The following TTLL7 variants were observed in gnomAD, a reference collection of about 807,000 sequenced individuals.
TTLL7 encodes the protein tubulin polyglutamylase TTLL7.
TTLL7 carries 53 observed loss-of-function variants against 120.2 expected under a neutral mutation model. The observed-to-expected ratio is 0.44, with a 90% CI of 0.35 to 0.55. The LOEUF is 0.55. TTLL7 is among the 20% of genes least tolerant of loss of function. The pLI is 0.00. For synonymous variants in TTLL7, 353 were observed against 351.7 expected, an observed-to-expected ratio of 1.00 and a Z score of -0.04; for missense variants, 803 against 1,054.7, an observed-to-expected ratio of 0.76 and a Z score of 3.31.
intron 4 of TTLL7, 102 bp downstream of exon 4, chr1:83,949,763 T>C (rs1242939706): frequency 4.5e-6 from 6 of 1,336,076 alleles, no homozygotes; most frequent in Non-Finnish European, 6.3e-6. Context: ...GAGTAAGAGC[T>C]GAAATGTAAT....
At chr1:83,961,117 C>T (rs1203593990) in intron 1 of TTLL7, among the ~76,000 whole-genome samples, 1 of 152,156 alleles carries the variant, frequency 6.6e-6, no homozygotes, top group Non-Finnish European at 1.5e-5. Flanking sequence ...CACTAATGCA[C>T]TTAATACTTA....
intron 4 of TTLL7, 82 bp from the exon 5 acceptor site, chr1:83,948,777 T>C (rs968364534): frequency 5.2e-6 from 5 of 966,618 alleles, no homozygotes; most frequent in Non-Finnish European, 7.8e-6. Context: ...CTATCCATCC[T>C]TTGAGTTTTA....
intron 1 of TTLL7, among the ~76,000 whole-genome samples, chr1:83,983,357 A>G (rs986398533): frequency 5.9e-5 from 9 of 152,130 alleles, no homozygotes; most frequent in Non-Finnish European, 1.0e-4. Context: ...TAAATAAGCA[A>G]TAAGAAAAAG....
intron 17 of TTLL7, 110 bp from the exon 18 acceptor site, chr1:83,904,269 C>T: frequency 1.4e-6 from 1 of 713,008 alleles, no homozygotes; most frequent in Non-Finnish European, 2.3e-6. Flanking sequence ...TGCCAACTTT[C>T]ATAAAAACAC....
intron 14 of TTLL7, among the ~76,000 whole-genome samples, chr1:83,917,028 G>A (rs1240598821): frequency 1.3e-5 from 2 of 151,456 alleles, no homozygotes; most frequent in Non-Finnish European, 2.9e-5. Context: ...TTGAGCCCAG[G>A]AGTGTGAGGC....
rs1649609464 is a variant in TTLL7, at chr1:83,957,237, T to C, written c.-176-4850A>G. On this transcript the variant is annotated intron_variant, in intron 1 of 20. Coordinates refer to ENST00000260505, the MANE Select transcript of TTLL7 (RefSeq NM_024686.6). ...AAAAGATGAAGACAAACTTCTTTTATGTAAAAGAAGGAAACACAAAGAAAA... is the reference window on the plus strand; with the variant it reads ...AAAAGATGAAGACAAACTTCTTTTACGTAAAAGAAGGAAACACAAAGAAAA... Among the ~76,000 whole-genome samples, 8 of 152,280 alleles carry C rather than the reference T, an allele frequency of 5.3e-5. No homozygotes were observed. In the South Asian group the frequency reaches 1.7e-3, roughly 32 times the overall value.
chr1:83,994,278 A>C (rs1447558457), intron 1 of TTLL7, among the ~76,000 whole-genome samples: 1 of 152,176 alleles, frequency 6.6e-6, no homozygotes, highest in African/African-American at 2.4e-5. Context: ...GCCCTCAGGC[A>C]CATTCATCTG....
Position 83,951,838 on chromosome 1 carries a change from A to C in TTLL7, c.157+7T>G. ...AGAATCCCATGATTGCTTCTAAGGA[A>C]ACCTACCAATTTCAAACTTTGTCCC... On this transcript the variant is annotated splice_region_variant and intron_variant, in intron 3 of 20. Transcript: ENST00000260505. 1.9e-6 allele frequency: 3 copies of C among 1,604,188 alleles called. No homozygotes were observed. Among genetic ancestry groups the C allele is most frequent in the Non-Finnish European group, 2.5e-6 (3 of 1,177,292 alleles).
At position 83,908,638 on chromosome 1, in the gene TTLL7, T is replaced by C. The variant is rs114636951; in HGVS notation, c.1787-977A>G. On this transcript the variant is annotated intron_variant, in intron 15 of 20. Transcript: ENST00000260505. ...AATTTTGACTCCTGACACAGGGAAATAGATCATCACTCAATACTATCAATA... is the reference window on the plus strand; with the variant it reads ...AATTTTGACTCCTGACACAGGGAAACAGATCATCACTCAATACTATCAATA... Among the ~76,000 whole-genome samples the C allele has an allele frequency of 7.3e-3, 1,112 of 152,070 alleles. 20 individuals carry two copies. The highest frequency in any genetic ancestry group is 0.026 in the African/African-American group (1,059 of 41,526).
Position 83,883,114 on chromosome 1 carries a change from T to C in TTLL7, c.2392A>G (p.Asn798Asp). 6.2e-7 allele frequency: 1 copy of C among 1,607,958 alleles called. No individual in the cohort carries two copies. ...DSGSSWESIFNKSPEVVTPLQ... is the reference protein window; with the variant it reads ...DSGSSWESIFDKSPEVVTPLQ... The stretch of plus-strand genomic sequence containing the variant: ...GGAGTCACCACCTCCGGGCTTTTAT[T>C]GAATATACTCTCCCAAGAGGATCTG... The change falls in exon 20 of 21, where the codon AAT becomes GAT. Residue 798 changes from asparagine (N) to aspartate (D), a missense_variant. Physicochemically the swap from Asn to Asp is conservative, Grantham distance 23. Coordinates refer to ENST00000260505, the MANE Select transcript of TTLL7 (RefSeq NM_024686.6).
intron 18 of TTLL7, among the ~76,000 whole-genome samples, chr1:83,899,019 T>C (rs1656482224): frequency 6.6e-6 from 1 of 151,910 alleles, no homozygotes; most frequent in Non-Finnish European, 1.5e-5. Flanking sequence ...TAGGCTTCTT[T>C]TTGTGAATAT....
chr1:83,942,378 A>T (rs1439103623), intron 7 of TTLL7, 85 bp downstream of exon 7: 2 of 1,127,424 alleles, frequency 1.8e-6, no homozygotes, highest in African/African-American at 3.1e-5. Flanking sequence ...ACTTTCATTC[A>T]TACAATCTAT....
At chr1:83,931,341 T>C (rs1431813379) in intron 9 of TTLL7, among the ~76,000 whole-genome samples, 1 of 152,132 alleles carries the variant, frequency 6.6e-6, no homozygotes, top group Admixed American at 6.6e-5. Context: ...TCTGTGCTCC[T>C]AAGTTAGTGC....
intron 1 of TTLL7, among the ~76,000 whole-genome samples, chr1:83,985,317 G>A (rs1652342039): frequency 6.6e-6 from 1 of 152,180 alleles, no homozygotes; most frequent in Admixed American, 6.5e-5. Flanking sequence ...GAAGCAGAAG[G>A]AAGCATCCAA....
chr1:83,994,434 C>T (rs1447955138), intron 1 of TTLL7, among the ~76,000 whole-genome samples: 1 of 152,188 alleles, frequency 6.6e-6, no homozygotes, highest in African/African-American at 2.4e-5. Context: ...CCAAAGGACC[C>T]GTCCAACACT....
intron 15 of TTLL7, among the ~76,000 whole-genome samples, chr1:83,910,784 G>A (rs1657612868): frequency 6.6e-6 from 1 of 152,058 alleles, no homozygotes; most frequent in Non-Finnish European, 1.5e-5. Flanking sequence ...TATATAATAA[G>A]TGATAGTATA....
At chr1:83,976,825 TA>T (rs1178764718) in intron 1 of TTLL7, among the ~76,000 whole-genome samples, 1 of 151,980 alleles carries the variant, frequency 6.6e-6, no homozygotes, top group Non-Finnish European at 1.5e-5. Context: ...TAAAATACAC[TA>T]AATCAGTTGT....
At chr1:83,911,117 G>A in intron 15 of TTLL7, 48 bp downstream of exon 15, 1 of 1,488,234 alleles carries the variant, frequency 6.7e-7, no homozygotes, top group Non-Finnish European at 9.3e-7. Flanking sequence ...AATAATTTCA[G>A]TTCCATAATT....
chr1:83,878,441 G>A (rs1333889452), intron 20 of TTLL7, among the ~76,000 whole-genome samples: 2 of 151,538 alleles, frequency 1.3e-5, no homozygotes, highest in Admixed American at 6.6e-5. Context: ...AAACCATCCC[G>A]AGCACTGTTA....
Sources: allele counts gnomAD v4.1 joint callset (sites outside exome capture counted in the v4.1 genomes callset), GRCh38; gene constraint gnomAD v4.1.1; transcripts MANE v1.5; gene names NCBI Gene and HGNC (gene_info 2026-07-23, HGNC 2026-07-21).